MYBL1: variants seen among roughly 807,000 people sequenced by gnomAD.
MYBL1 encodes myb-related protein A.
In MYBL1, 17 loss-of-function variants were observed where a neutral mutation model predicts 96.3. That is an observed-to-expected ratio of 0.18 (90% CI 0.12 to 0.26). MYBL1 has a LOEUF of 0.26. MYBL1 is among the 10% of genes least tolerant of loss of function. The probability of loss-of-function intolerance (pLI) is 1.00; values close to 1 mark genes in which losing one functional copy is unlikely to be tolerated. For synonymous variants in MYBL1, 282 were observed against 292.7 expected (o/e 0.96, Z 0.37); for missense variants, 701 against 882.9 (o/e 0.79, Z 2.61).
chr8:66,597,847 T>TAA (rs1189665191), intron 4 of MYBL1, among the ~76,000 whole-genome samples: 14 of 36,190 alleles, frequency 3.9e-4, no homozygotes, highest in Admixed American at 6.7e-4. Flanking sequence ...CTCCTACATC[T>TAA]AAAAAAAAAA....
chr8:66,601,617 G>C, intron 3 of MYBL1, 81 bp downstream of exon 3: 3 of 753,240 alleles, frequency 4.0e-6, no homozygotes, highest in Non-Finnish European at 6.5e-6. Context: ...AAAATATGTA[G>C]ACACATTTTT....
In MYBL1 at chr8:66,574,149, G is replaced by C. The variant is rs142455053; in HGVS notation, c.1471-643C>G. ...TTAGAAACAGTGATATGAAGCCATAGAAATGGCTTCAAAGCTACTTATAAC... is the reference window on the plus strand; with the variant it reads ...TTAGAAACAGTGATATGAAGCCATACAAATGGCTTCAAAGCTACTTATAAC... On this transcript the variant is annotated intron_variant, in intron 10 of 15. Transcript: ENST00000522677. Among the ~76,000 whole-genome samples, 70 of 152,256 alleles carry C rather than the reference G, an allele frequency of 4.6e-4. 3 individuals carry two copies. The East Asian group carries it at 0.012, about 26-fold the overall frequency.
chr8:66,588,860 T>C (rs575541766), intron 8 of MYBL1, among the ~76,000 whole-genome samples: 1 of 152,198 alleles, frequency 6.6e-6, no homozygotes, highest in East Asian at 1.9e-4. Context: ...TTTCTACTAA[T>C]AACACAAAAA....
In MYBL1 at chr8:66,564,676, T is replaced by G. The variant is rs1808433436; in HGVS notation, c.*21A>C. The stretch of plus-strand genomic sequence containing the variant: ...GAGACTGCAGTAAGGGAGTGGGGCA[T>G]TTCATCAATTTTAATAACAATTACA... On this transcript the variant is annotated 3_prime_UTR_variant, in exon 16 of 16. Transcript: ENST00000522677. 1.9e-6 allele frequency: 3 copies of G among 1,548,090 alleles called. No homozygotes were observed. The East Asian group carries it at 7.0e-5, about 36-fold the overall frequency.
intron 9 of MYBL1, 55 bp downstream of exon 9, chr8:66,580,078 A>T: frequency 7.7e-7 from 1 of 1,302,534 alleles, no homozygotes; most frequent in Non-Finnish European, 1.1e-6. Flanking sequence ...GTTTCTGAGC[A>T]TGAAATCATA....
At chr8:66,602,723 ATATATATATATTTTTTT>A (rs1391291538) in intron 1 of MYBL1, among the ~76,000 whole-genome samples, 200 bp from the exon 2 acceptor site, 1 of 45,180 alleles carries the variant, frequency 2.2e-5, no homozygotes, top group African/African-American at 1.1e-4. Flanking sequence ...ATATATATAT[ATATATATATATTTTTTT>A]TTTTTTTTTT....
chr8:66,596,968 G>A (rs1177056889), intron 5 of MYBL1, among the ~76,000 whole-genome samples: 2 of 152,040 alleles, frequency 1.3e-5, no homozygotes, highest in African/African-American at 2.4e-5. Flanking sequence ...CACATAGAAC[G>A]CAATATGAAA....
intron 2 of MYBL1, among the ~76,000 whole-genome samples, chr8:66,601,972 G>A (rs1563550306): frequency 1.3e-5 from 2 of 152,030 alleles, no homozygotes. Flanking sequence ...TCTGGTTGAA[G>A]AAAAAGAACG....
chr8:66,567,047 C>G (rs1044590837), intron 12 of MYBL1, 55 bp from the exon 13 acceptor site: 3 of 1,193,474 alleles, frequency 2.5e-6, no homozygotes, highest in Non-Finnish European at 3.7e-6. Context: ...TCCTTTTTCT[C>G]CCTATATATA....
At chr8:66,577,402 A>G (rs1809004309) in intron 9 of MYBL1, among the ~76,000 whole-genome samples, 2 of 148,270 alleles carry the variant, frequency 1.3e-5, no homozygotes, top group African/African-American at 4.9e-5. Flanking sequence ...AAATCAATGT[A>G]CAAAAATCAC....
At chr8:66,596,497 G>A (rs147588910) in intron 5 of MYBL1, among the ~76,000 whole-genome samples, 59 of 152,146 alleles carry the variant, frequency 3.9e-4, no homozygotes, top group African/African-American at 1.2e-3. Flanking sequence ...GTAAGAAGAC[G>A]TATAAGAGAT....
At chr8:66,578,608 T>C (rs1281577376) in intron 9 of MYBL1, among the ~76,000 whole-genome samples, 4 of 152,040 alleles carry the variant, frequency 2.6e-5, no homozygotes, top group African/African-American at 4.8e-5. Flanking sequence ...TGTGGAGAAA[T>C]AGGAACACTT....
chr8:66,581,214 A>C (rs1345799233), intron 8 of MYBL1, among the ~76,000 whole-genome samples: 1 of 152,072 alleles, frequency 6.6e-6, no homozygotes, highest in Non-Finnish European at 1.5e-5. Flanking sequence ...ATAATGTCCT[A>C]ATTCATTTAT....
chr8:66,579,952 C>A (rs1018621820), intron 9 of MYBL1, among the ~76,000 whole-genome samples, 181 bp downstream of exon 9: 1 of 151,952 alleles, frequency 6.6e-6, no homozygotes, highest in African/African-American at 2.4e-5. Context: ...AAATTCCTCA[C>A]AAGGCACATA....
chr8:66,595,838 AAAAC>A, intron 5 of MYBL1, 81 bp from the exon 6 acceptor site: 1 of 887,580 alleles, frequency 1.1e-6, no homozygotes. Context: ...CAAAGTGCTT[AAAAC>A]AAATTTTTAC....
Position 66,601,296 on chromosome 8 carries a change from T to A in MYBL1, c.198+402A>T, listed in dbSNP as rs192295863. ...GGTAAACAATAGGCATAATAGTTTT[T>A]AAAATCAACATTTTAAAAGGTAAGC... On this transcript the variant is annotated intron_variant, in intron 3 of 15. Coordinates refer to ENST00000522677, the MANE Select transcript of MYBL1 (RefSeq NM_001080416.4). Among the ~76,000 whole-genome samples the A allele has an allele frequency of 2.0e-4, 31 of 152,142 alleles. 1 individual carries two copies. Among genetic ancestry groups the A allele is most frequent in the Admixed American group, 1.5e-3 (23 of 15,270 alleles).
At chr8:66,609,636 T>G (rs1810452545) in intron 1 of MYBL1, among the ~76,000 whole-genome samples, 2 of 152,086 alleles carry the variant, frequency 1.3e-5, no homozygotes. Context: ...TTGATCATTA[T>G]TAACAGCAAT....
At chr8:66,583,043 A>G (rs1193955244) in intron 8 of MYBL1, among the ~76,000 whole-genome samples, 1 of 152,210 alleles carries the variant, frequency 6.6e-6, no homozygotes, top group East Asian at 1.9e-4. Flanking sequence ...ATATCTGCAG[A>G]ATATACATTC....
chr8:66,601,632 A>G, intron 3 of MYBL1, 66 bp downstream of exon 3: 1 of 921,884 alleles, frequency 1.1e-6, no homozygotes, highest in Non-Finnish European at 1.6e-6. Flanking sequence ...ATTTTTGAAA[A>G]ATAGCAAATT....
Sources: allele counts gnomAD v4.1 joint callset (sites outside exome capture counted in the v4.1 genomes callset), GRCh38; gene constraint gnomAD v4.1.1; transcripts MANE v1.5; gene names NCBI Gene and HGNC (gene_info 2026-07-23, HGNC 2026-07-21).